The following COL24A1 variants were observed in gnomAD, a reference collection of about 807,000 sequenced individuals.
COL24A1 encodes collagen alpha-1(XXIV) chain.
A neutral mutation model predicts 253.9 loss-of-function variants in COL24A1; 224 were observed. The ratio of observed to expected loss-of-function variants is 0.88; its 90% confidence interval spans 0.79 to 0.99. COL24A1 has a LOEUF of 0.99. Ranked by LOEUF, COL24A1 falls within the 50% of genes least tolerant of loss-of-function variation. The probability of loss-of-function intolerance (pLI) is 0.00; values close to 1 mark genes in which losing one functional copy is unlikely to be tolerated. For missense variants in COL24A1, 2,131 were observed against 2,068.5 expected (o/e 1.03, Z -0.59); for synonymous variants, 685 against 673.7 (o/e 1.02, Z -0.26).
At chr1:85,952,270 G>A (rs1313242635) in intron 24 of COL24A1, among the ~76,000 whole-genome samples, 1 of 152,060 alleles carries the variant, frequency 6.6e-6, no homozygotes, top group Non-Finnish European at 1.5e-5. Context: ...CGCACATAAA[G>A]AACAGATTTC....
chr1:86,002,225 T>A (rs1695490399), intron 19 of COL24A1, among the ~76,000 whole-genome samples: 1 of 152,222 alleles, frequency 6.6e-6, no homozygotes, highest in Non-Finnish European at 1.5e-5. Flanking sequence ...TGTCATAGAT[T>A]AGTGCCACCA....
intron 5 of COL24A1, among the ~76,000 whole-genome samples, chr1:86,107,996 C>A (rs1257553361): frequency 6.6e-6 from 1 of 151,836 alleles, no homozygotes; most frequent in Non-Finnish European, 1.5e-5. Flanking sequence ...TTTTTAAATC[C>A]CTCATATGTG....
chr1:85,818,224 A>T, intron 45 of COL24A1, 137 bp from the exon 46 acceptor site: 1 of 608,932 alleles, frequency 1.6e-6, no homozygotes, highest in Non-Finnish European at 2.9e-6. Flanking sequence ...ATTGCCATTT[A>T]ATTTTCCTGG....
chr1:86,089,043 G>A (rs184740140), intron 7 of COL24A1, 131 bp downstream of exon 7: 18 of 620,410 alleles, frequency 2.9e-5, no homozygotes, highest in African/African-American at 5.8e-5. Flanking sequence ...TTCAAAATGA[G>A]ATCATAGTCA....
At chr1:85,991,464 T>C (rs1315936549) in intron 19 of COL24A1, among the ~76,000 whole-genome samples, 2 of 152,214 alleles carry the variant, frequency 1.3e-5, no homozygotes, top group Admixed American at 1.3e-4. Flanking sequence ...GGCTTGTGGT[T>C]TCATGGGGCA....
intron 52 of COL24A1, among the ~76,000 whole-genome samples, chr1:85,776,131 T>C (rs1486476965): frequency 2.0e-5 from 3 of 152,178 alleles, no homozygotes; most frequent in Non-Finnish European, 4.4e-5. Context: ...AATTTTAATA[T>C]GTTGTATATG....
chr1:85,802,498 G>T (rs905165144), intron 47 of COL24A1, among the ~76,000 whole-genome samples: 1 of 151,536 alleles, frequency 6.6e-6, no homozygotes, highest in African/African-American at 2.4e-5. Flanking sequence ...TTATCTTTTG[G>T]TATCATCTCT....
chr1:86,053,566 T>C (rs1473658653), intron 10 of COL24A1, among the ~76,000 whole-genome samples: 1 of 152,020 alleles, frequency 6.6e-6, no homozygotes, highest in Non-Finnish European at 1.5e-5. Context: ...TTAAAAATAA[T>C]AACACATGTT....
intron 53 of COL24A1, 140 bp from the exon 54 acceptor site, chr1:85,761,706 A>C (rs889930752): frequency 1.3e-6 from 1 of 748,558 alleles, no homozygotes; most frequent in Non-Finnish European, 2.3e-6. Flanking sequence ...AGTATTCTAA[A>C]GTTATATGCT....
chr1:86,120,734 C>T (rs1049120945), intron 3 of COL24A1, among the ~76,000 whole-genome samples: 6 of 152,136 alleles, frequency 3.9e-5, no homozygotes, highest in African/African-American at 7.2e-5. Flanking sequence ...GACAGTGTGG[C>T]GATTCCTCAA....
intron 5 of COL24A1, among the ~76,000 whole-genome samples, chr1:86,104,165 G>T (rs139181739): frequency 6.6e-6 from 1 of 151,622 alleles, no homozygotes; most frequent in Non-Finnish European, 1.5e-5. Context: ...CTTCGGCTTG[G>T]TCTGTTTTAA....
chr1:86,015,668 C>T (rs1696923064), intron 19 of COL24A1, among the ~76,000 whole-genome samples: 1 of 152,070 alleles, frequency 6.6e-6, no homozygotes, highest in Non-Finnish European at 1.5e-5. Context: ...TATGACAAGG[C>T]AGTAAATACT....
intron 37 of COL24A1, among the ~76,000 whole-genome samples, chr1:85,866,924 G>A (rs1185429575): frequency 1.3e-5 from 2 of 152,114 alleles, no homozygotes; most frequent in African/African-American, 2.4e-5. Context: ...AAAGAAAAAA[G>A]TTGCCATTTG....
chr1:86,045,895 G>A (rs1699865325), intron 12 of COL24A1: 3 of 432,852 alleles, frequency 6.9e-6, no homozygotes, highest in South Asian at 3.4e-5. Flanking sequence ...GTGAGTAGAA[G>A]ACAGAGCAGA....
intron 7 of COL24A1, among the ~76,000 whole-genome samples, chr1:86,079,293 A>C (rs1702465855): frequency 6.6e-6 from 1 of 152,204 alleles, no homozygotes; most frequent in South Asian, 2.1e-4. Flanking sequence ...GCCTTGTACA[A>C]AAATCAATTC....
rs1247186402 is a variant in COL24A1, at chr1:85,849,343, A to C, written c.3354+10T>G. ...AAAGAAAACCTGCATAAGAAGATGT[A>C]AAAAATTACCTTTTTTCCTGGACGA... On this transcript the variant is annotated intron_variant, in intron 38 of 59. Transcript: ENST00000370571. 6.2e-7 allele frequency: 1 copy of C among 1,611,626 alleles called. No homozygotes were observed. Among genetic ancestry groups the C allele is most frequent in the Non-Finnish European group, 8.5e-7 (1 of 1,178,134 alleles).
chr1:85,879,246 GGT>G (rs5775875), intron 32 of COL24A1, among the ~76,000 whole-genome samples: 3,009 of 146,932 alleles, frequency 0.02, 64 homozygotes, highest in Admixed American at 0.063. Flanking sequence ...TCATTTTGAG[GGT>G]GTGTGTGTGT....
intron 32 of COL24A1, among the ~76,000 whole-genome samples, chr1:85,879,672 G>A (rs945669038): frequency 3.9e-5 from 6 of 152,140 alleles, no homozygotes; most frequent in African/African-American, 9.7e-5. Flanking sequence ...ATTGTATACT[G>A]TATTTTAAAG....
intron 53 of COL24A1, among the ~76,000 whole-genome samples, chr1:85,767,179 G>A (rs1157403687): frequency 5.3e-5 from 8 of 151,862 alleles, no homozygotes; most frequent in Non-Finnish European, 1.0e-4. Flanking sequence ...TCTGATCTTT[G>A]TGCAAAGACT....
Sources: allele counts gnomAD v4.1 joint callset (sites outside exome capture counted in the v4.1 genomes callset), GRCh38; gene constraint gnomAD v4.1.1; transcripts MANE v1.5; gene names NCBI Gene and HGNC (gene_info 2026-07-23, HGNC 2026-07-21).